Variants in NOPCHAP1 observed in about 807,000 individuals in gnomAD.
NOPCHAP1 encodes NOP protein chaperone 1.
In NOPCHAP1, 13 loss-of-function variants were observed where a neutral mutation model predicts 14.0. That is an observed-to-expected ratio of 0.93 (90% confidence interval 0.60 to 1.47). The LOEUF is 1.47. Among genes scored for constraint, NOPCHAP1 ranks in the 40% most tolerant of loss-of-function variants. NOPCHAP1 has a pLI of 0.00. For synonymous variants in NOPCHAP1, 78 were observed against 78.4 expected (o/e 1.00, Z 0.03); for missense variants, 230 against 226.9 (o/e 1.01, Z -0.09).
intron 3 of NOPCHAP1, among the ~76,000 whole-genome samples, chr12:104,993,183 T>A (rs1873421104): frequency 6.6e-6 from 1 of 152,228 alleles, no homozygotes; most frequent in African/African-American, 2.4e-5. Flanking sequence ...ATTTGTTTAT[T>A]GCCTTTCTTT....
At position 105,007,109 on chromosome 12, in the gene NOPCHAP1, C is replaced by T. The variant is rs1321319551; in HGVS notation, c.*12413C>T. ...TTGAATTATCCAGCTTTAGACCCTT[C>T]ACTTTCCCTTTGCTCTATGTTGTCA... On this transcript the variant is annotated 3_prime_UTR_variant, in exon 4 of 4. Coordinates refer to ENST00000552951, the MANE Select transcript of NOPCHAP1 (RefSeq NM_152318.3). 6.6e-6 allele frequency: 1 copy of T among 151,874 alleles called. No homozygotes were observed. Among genetic ancestry groups the T allele is most frequent in the African/African-American group, 2.4e-5 (1 of 41,342 alleles). 9.4% of individuals were successfully genotyped at this position (151,874 alleles called of 1,614,324 possible). A position where few individuals can be genotyped will look rare whatever the true frequency, so the allele number is the denominator to read the frequency against.
At chr12:104,994,093 G>T (rs1026516143) in intron 3 of NOPCHAP1, among the ~76,000 whole-genome samples, 2 of 152,132 alleles carry the variant, frequency 1.3e-5, no homozygotes, top group African/African-American at 2.4e-5. Context: ...GCCTGTAATT[G>T]CAGCGCTTTG....
intron 3 of NOPCHAP1, among the ~76,000 whole-genome samples, chr12:104,992,246 CAGT>C (rs935450417): frequency 3.3e-5 from 5 of 152,286 alleles, no homozygotes; most frequent in Non-Finnish European, 4.4e-5. Flanking sequence ...CTTGTTTCTG[CAGT>C]GGAATTCCGT....
chr12:104,993,874 C>T (rs528701747), intron 3 of NOPCHAP1, among the ~76,000 whole-genome samples: 1 of 152,104 alleles, frequency 6.6e-6, no homozygotes, highest in African/African-American at 2.4e-5. Context: ...TCTCTAGTAC[C>T]TAGTGTAGTG....
chr12:104,996,133 T>G lies in NOPCHAP1; in HGVS notation c.*1437T>G, dbSNP rs1025960820. 6.6e-6 allele frequency: 1 copy of G among 152,044 alleles called. No individual in the cohort carries two copies. The highest frequency in any genetic ancestry group is 6.6e-5 in the Admixed American group (1 of 15,264). 9.4% of individuals were successfully genotyped at this position (152,044 alleles called of 1,614,324 possible). A position where few individuals can be genotyped will look rare whatever the true frequency, so the allele number is the denominator to read the frequency against. ...GAAGGCAGGATTGAACCATGCCAAATAGCAAGATCCTAACCAGTGGGGAGC... is the reference window on the plus strand; with the variant it reads ...GAAGGCAGGATTGAACCATGCCAAAGAGCAAGATCCTAACCAGTGGGGAGC... On this transcript the variant is annotated 3_prime_UTR_variant, in exon 4 of 4. Transcript: ENST00000552951.
Position 105,014,526 on chromosome 12 carries a change from A to G in NOPCHAP1, c.*19830A>G, listed in dbSNP as rs1173278745. ...CACCTGTATTTAGCTATTCTCAAAC[A>G]TACCTATTTTTATTTTAAGAATTCC... On this transcript the variant is annotated 3_prime_UTR_variant, in exon 4 of 4. Transcript: ENST00000552951. 1 of 152,228 alleles carries G rather than the reference A, an allele frequency of 6.6e-6. No individual in the cohort carries two copies. Among genetic ancestry groups the G allele is most frequent in the Non-Finnish European group, 1.5e-5 (1 of 68,040 alleles). 9.4% of individuals were successfully genotyped at this position (152,228 alleles called of 1,614,324 possible).
chr12:105,001,301 CA>C lies in NOPCHAP1; in HGVS notation c.*6606del, dbSNP rs1873604697. 2.0e-5 allele frequency: 3 copies of C among 152,272 alleles called. 1 individual carries two copies. In the East Asian group the frequency reaches 5.8e-4, roughly 29 times the overall value. 9.4% of individuals were successfully genotyped at this position (152,272 alleles called of 1,614,324 possible). A position where few individuals can be genotyped will look rare whatever the true frequency, so the allele number is the denominator to read the frequency against. On this transcript the variant is annotated 3_prime_UTR_variant, in exon 4 of 4. Coordinates refer to ENST00000552951, the MANE Select transcript of NOPCHAP1 (RefSeq NM_152318.3). ...GAGAACACAAAGACTTTTATAAGAA[CA>C]TATTGTTATCCCATTAAGGGTGGCA... is the stretch of plus-strand genomic sequence containing the variant.
rs1015957961 is a variant in NOPCHAP1, at chr12:105,011,750, G to A, written c.*17054G>A. The A allele has an allele frequency of 3.3e-5, 5 of 152,154 alleles. No homozygotes were observed. Among genetic ancestry groups the A allele is most frequent in the African/African-American group, 1.2e-4 (5 of 41,422 alleles). 9.4% of individuals were successfully genotyped at this position (152,154 alleles called of 1,614,324 possible). ...ATTTTATTTCTCGTTCGCTTATGAA[G>A]CTTAGTTTGGCTGGATATGAAATTC... is the stretch of plus-strand genomic sequence containing the variant. On this transcript the variant is annotated 3_prime_UTR_variant, in exon 4 of 4. Transcript: ENST00000552951.
rs1165718500 is a variant in NOPCHAP1 at position 105,013,554 on chromosome 12, G to C, written c.*18858G>C. 6.5e-6 allele frequency: 1 copy of C among 153,774 alleles called. No homozygotes were observed. The highest frequency in any genetic ancestry group is 1.4e-5 in the Non-Finnish European group (1 of 69,402). The allele number at this position is 153,774 out of a possible 1,614,324, so 9.5% of individuals were successfully genotyped here. A position where few individuals can be genotyped will look rare whatever the true frequency, so the allele number is the denominator to read the frequency against. On this transcript the variant is annotated 3_prime_UTR_variant, in exon 4 of 4. Transcript: ENST00000552951. ...AAGAAAAACTCCTGCAGCTAGCTCG[G>C]TGTTTGCCCAAACAGCCACCCAGCT...
Position 105,008,497 on chromosome 12 carries a change from A to G in NOPCHAP1, c.*13801A>G, listed in dbSNP as rs1403057483. 1 of 152,038 alleles carries G rather than the reference A, an allele frequency of 6.6e-6. No homozygotes were observed. The highest frequency in any genetic ancestry group is 1.5e-5 in the Non-Finnish European group (1 of 68,010). 9.4% of individuals were successfully genotyped at this position (152,038 alleles called of 1,614,324 possible). A position where few individuals can be genotyped will look rare whatever the true frequency, so the allele number is the denominator to read the frequency against. On this transcript the variant is annotated 3_prime_UTR_variant, in exon 4 of 4. Coordinates refer to ENST00000552951, the MANE Select transcript of NOPCHAP1 (RefSeq NM_152318.3). ...AAGCTCTTTAGTTTAATTAGATCCCATTTGTCTATTTTAGCTTTTGTTGAC... is the reference window on the plus strand; with the variant it reads ...AAGCTCTTTAGTTTAATTAGATCCCGTTTGTCTATTTTAGCTTTTGTTGAC...
rs1221284655 is a variant in NOPCHAP1 at position 104,995,480 on chromosome 12, T to A, written c.*784T>A. 6 of 152,236 alleles carry A rather than the reference T, an allele frequency of 3.9e-5. No homozygotes were observed. The highest frequency in any genetic ancestry group is 8.8e-5 in the Non-Finnish European group (6 of 68,048). 9.4% of individuals were successfully genotyped at this position (152,236 alleles called of 1,614,324 possible). A position where few individuals can be genotyped will look rare whatever the true frequency, so the allele number is the denominator to read the frequency against. On this transcript the variant is annotated 3_prime_UTR_variant, in exon 4 of 4. Coordinates refer to ENST00000552951, the MANE Select transcript of NOPCHAP1 (RefSeq NM_152318.3). ...CCCCAACATGAGCAAAGAGGAGATCTAAGGCTGCATGATATCCCATTAAGT... is the reference window on the plus strand; with the variant it reads ...CCCCAACATGAGCAAAGAGGAGATCAAAGGCTGCATGATATCCCATTAAGT...
chr12:104,997,063 T>C lies in NOPCHAP1; in HGVS notation c.*2367T>C, dbSNP rs554649136. 6.6e-6 allele frequency: 1 copy of C among 152,356 alleles called. No homozygotes were observed. Among genetic ancestry groups the C allele is most frequent in the East Asian group, 1.9e-4 (1 of 5,190 alleles). The allele number at this position is 152,356 out of a possible 1,614,324, so 9.4% of individuals were successfully genotyped here. On this transcript the variant is annotated 3_prime_UTR_variant, in exon 4 of 4. Coordinates refer to ENST00000552951, the MANE Select transcript of NOPCHAP1 (RefSeq NM_152318.3). ...AAGTTGCCACACTGTTTCTTTTGAT[T>C]GGGGCATTTAGCCCATTTACATTCA...
chr12:104,987,958 A>G (rs919973462), intron 1 of NOPCHAP1, among the ~76,000 whole-genome samples: 1 of 152,202 alleles, frequency 6.6e-6, no homozygotes, highest in African/African-American at 2.4e-5. Flanking sequence ...ATAGAGGTGA[A>G]TGAGACAGAT....
At chr12:104,986,655 G>A (rs1204084301) in intron 1 of NOPCHAP1, among the ~76,000 whole-genome samples, 188 bp downstream of exon 1, 37 of 152,146 alleles carry the variant, frequency 2.4e-4, no homozygotes, top group Admixed American at 2.3e-3. Flanking sequence ...GCGGGCACCC[G>A]GCTGCGGGCC....
chr12:104,994,824 A>C lies in NOPCHAP1; in HGVS notation c.*128A>C. Reference sequence around the variant, plus strand: ...TTTTATATGTTAAAAACTTTAGACAAGTTAAATTTGACAGAGTTTCTTTGG... The same window carrying C: ...TTTTATATGTTAAAAACTTTAGACACGTTAAATTTGACAGAGTTTCTTTGG... On this transcript the variant is annotated 3_prime_UTR_variant, in exon 4 of 4. Transcript: ENST00000552951. The C allele has an allele frequency of 1.2e-6, 1 of 811,142 alleles. No individual in the cohort carries two copies. Among genetic ancestry groups the C allele is most frequent in the Non-Finnish European group, 2.0e-6 (1 of 507,284 alleles). The allele number at this position is 811,142 out of a possible 1,614,324, so 50.2% of individuals were successfully genotyped here.
rs777032057 is a variant in NOPCHAP1, at chr12:104,994,681, T to TA, written c.551dup (p.Lys185GlufsTer5). 30 of 1,603,096 alleles carry TA rather than the reference T, an allele frequency of 1.9e-5. No individual in the cohort carries two copies. Among genetic ancestry groups the TA allele is most frequent in the Admixed American group, 7.0e-5 (4 of 57,478 alleles). ...TTGAAGTTTTGGACAGTCCAGCAAGTAAAAAAAAGAAATAGTCAAATAAAT... is the reference window on the plus strand; with the variant it reads ...TTGAAGTTTTGGACAGTCCAGCAAGTAAAAAAAAAGAAATAGTCAAATAAAT... On this transcript the variant is annotated frameshift_variant, in exon 4 of 4. Transcript: ENST00000552951. LOFTEE classifies it high-confidence loss of function.
At position 104,991,751 on chromosome 12, in the gene NOPCHAP1, G is replaced by T. The variant is rs565928398; in HGVS notation, c.242G>T (p.Arg81Leu). 1 of 1,613,490 alleles carries T rather than the reference G, an allele frequency of 6.2e-7. No homozygotes were observed. Among genetic ancestry groups the T allele is most frequent in the South Asian group, 1.1e-5 (1 of 91,012 alleles). Residue 81 changes from arginine (R) to leucine (L), a missense_variant, in exon 3 of 4, where the codon CGG (arginine) becomes CTG (leucine). Coordinates refer to ENST00000552951, the MANE Select transcript of NOPCHAP1 (RefSeq NM_152318.3). ...QVQTFLPQMA[R>L]ANEKLRKEMA... Reference sequence around the variant, plus strand: ...CAGACATTTCTCCCACAGATGGCACGGGCAAATGAAAAGCTAAGAAAAGAA... The same window carrying T: ...CAGACATTTCTCCCACAGATGGCACTGGCAAATGAAAAGCTAAGAAAAGAA...
rs1873922677 is a variant in NOPCHAP1, at chr12:105,015,237, T to C, written c.*20541T>C. The C allele has an allele frequency of 6.6e-6, 1 of 152,226 alleles. No individual in the cohort carries two copies. Among genetic ancestry groups the C allele is most frequent in the African/African-American group, 2.4e-5 (1 of 41,462 alleles). 9.4% of individuals were successfully genotyped at this position (152,226 alleles called of 1,614,324 possible). On this transcript the variant is annotated 3_prime_UTR_variant, in exon 4 of 4. Coordinates refer to ENST00000552951, the MANE Select transcript of NOPCHAP1 (RefSeq NM_152318.3). ...ACACAGCCGTGATGAGTTATTGGCATAGGTACTTATTTAAAGATTTTCTTC... is the reference window on the plus strand; with the variant it reads ...ACACAGCCGTGATGAGTTATTGGCACAGGTACTTATTTAAAGATTTTCTTC...
chr12:105,014,934 C>T lies in NOPCHAP1; in HGVS notation c.*20238C>T, dbSNP rs1163894203. On this transcript the variant is annotated 3_prime_UTR_variant, in exon 4 of 4. Transcript: ENST00000552951. Reference sequence around the variant, plus strand: ...GCCTGACTTTTGCTCAGGAAAGAGGCCTGAGAATTTAAGGACTATCTGTGA... The same window carrying T: ...GCCTGACTTTTGCTCAGGAAAGAGGTCTGAGAATTTAAGGACTATCTGTGA... 2 of 152,084 alleles carry T rather than the reference C, an allele frequency of 1.3e-5. No individual in the cohort carries two copies. Among genetic ancestry groups the T allele is most frequent in the African/African-American group, 4.8e-5 (2 of 41,414 alleles). The allele number at this position is 152,084 out of a possible 1,614,324, so 9.4% of individuals were successfully genotyped here. A position where few individuals can be genotyped will look rare whatever the true frequency, so the allele number is the denominator to read the frequency against.
Sources: allele counts gnomAD v4.1 joint callset (sites outside exome capture counted in the v4.1 genomes callset), GRCh38; gene constraint gnomAD v4.1.1; transcripts MANE v1.5; gene names NCBI Gene and HGNC (gene_info 2026-07-23, HGNC 2026-07-21).